Variants in COL23A1 observed in about 807,000 individuals in gnomAD.
COL23A1 encodes collagen type XXIII alpha 1 chain.
Under a neutral mutation model 99.3 loss-of-function variants are expected in COL23A1, and 97 were observed. That is an observed-to-expected ratio of 0.98 (90% CI 0.83 to 1.16). COL23A1 has a LOEUF of 1.16. Among genes scored for constraint, COL23A1 ranks in the 50% most tolerant of loss-of-function variants. The pLI, the probability that COL23A1 is intolerant of heterozygous loss-of-function variation, is 0.00. For synonymous variants in COL23A1, 320 were observed against 308.2 expected (o/e 1.04, Z -0.40); for missense variants, 762 against 757.4 (o/e 1.01, Z -0.07).
chr5:178,469,442 T>G (rs1434471993), intron 2 of COL23A1, among the ~76,000 whole-genome samples: 1 of 152,150 alleles, frequency 6.6e-6, no homozygotes, highest in Non-Finnish European at 1.5e-5. Flanking sequence ...CACCACATTC[T>G]ACGAAGCTCC....
At chr5:178,381,424 C>A (rs1763375694) in intron 2 of COL23A1, among the ~76,000 whole-genome samples, 1 of 152,226 alleles carries the variant, frequency 6.6e-6, no homozygotes, top group Non-Finnish European at 1.5e-5. Context: ...TCCATGCCAG[C>A]AGGACCAGCT....
At chr5:178,448,170 G>A (rs1427305104) in intron 2 of COL23A1, among the ~76,000 whole-genome samples, 2 of 141,506 alleles carry the variant, frequency 1.4e-5, no homozygotes, top group Admixed American at 7.1e-5. Flanking sequence ...AGTGCTAGTC[G>A]CAGTCCGTTT....
chr5:178,404,216 C>T (rs993424442), intron 2 of COL23A1, among the ~76,000 whole-genome samples: 1 of 152,198 alleles, frequency 6.6e-6, no homozygotes, highest in Non-Finnish European at 1.5e-5. Flanking sequence ...TGTGGGGTAC[C>T]ATGCCCATCA....
At chr5:178,346,207 T>C (rs1014403906) in intron 2 of COL23A1, among the ~76,000 whole-genome samples, 2 of 152,076 alleles carry the variant, frequency 1.3e-5, no homozygotes, top group Non-Finnish European at 2.9e-5. Flanking sequence ...TTTTTATTTA[T>C]TTATTTATTA....
At chr5:178,581,391 C>T (rs1349272331) in intron 1 of COL23A1, among the ~76,000 whole-genome samples, 2 of 152,010 alleles carry the variant, frequency 1.3e-5, no homozygotes, top group Non-Finnish European at 2.9e-5. Flanking sequence ...CATGGTGAAA[C>T]TCCAACTCTA....
chr5:178,349,990 G>C (rs2913804), intron 2 of COL23A1, among the ~76,000 whole-genome samples: 145,299 of 152,268 alleles, frequency 0.95, 69,365 homozygotes, highest in Non-Finnish European at 0.97. Flanking sequence ...AGGGTCTCGG[G>C]TCCTATCAAG....
intron 2 of COL23A1, among the ~76,000 whole-genome samples, chr5:178,487,763 A>T (rs774820278): frequency 1.3e-5 from 2 of 152,188 alleles, no homozygotes; most frequent in Admixed American, 1.3e-4. Flanking sequence ...CTCACTCATG[A>T]TAACTACATA....
At chr5:178,408,804 A>G (rs1467693693) in intron 2 of COL23A1, among the ~76,000 whole-genome samples, 1 of 151,868 alleles carries the variant, frequency 6.6e-6, no homozygotes, top group South Asian at 2.1e-4. Flanking sequence ...AAAATACAAA[A>G]ATTAGCTGGG....
chr5:178,472,313 C>T (rs1304979634), intron 2 of COL23A1, among the ~76,000 whole-genome samples: 1 of 152,140 alleles, frequency 6.6e-6, no homozygotes, highest in Non-Finnish European at 1.5e-5. Context: ...ACAGTCTATC[C>T]CAATGTGCAC....
At chr5:178,577,617 C>A (rs778920904) in intron 1 of COL23A1, among the ~76,000 whole-genome samples, 1 of 152,180 alleles carries the variant, frequency 6.6e-6, no homozygotes, top group African/African-American at 2.4e-5. Context: ...GCCTGCCCCC[C>A]GCTGCCTGGA....
chr5:178,585,436 C>G lies in COL23A1; in HGVS notation c.294+4468G>C, dbSNP rs952087904. Among the ~76,000 whole-genome samples, 8 of 148,506 alleles carry G rather than the reference C, an allele frequency of 5.4e-5. 1 individual carries two copies. Among genetic ancestry groups the G allele is most frequent in the African/African-American group, 2.0e-4 (8 of 39,400 alleles). ...TAACACTCCACAGCCCTGGTTGACACTGGGGTAACACTCCACGTCCCTGGT... is the reference window on the plus strand; with the variant it reads ...TAACACTCCACAGCCCTGGTTGACAGTGGGGTAACACTCCACGTCCCTGGT... On this transcript the variant is annotated intron_variant, in intron 1 of 28. Transcript: ENST00000390654.
intron 2 of COL23A1, among the ~76,000 whole-genome samples, chr5:178,447,766 C>T (rs965990565): frequency 2.0e-5 from 3 of 152,064 alleles, no homozygotes; most frequent in African/African-American, 4.8e-5. Flanking sequence ...TAAATTAGAC[C>T]GCAAGATGGA....
intron 2 of COL23A1, among the ~76,000 whole-genome samples, chr5:178,356,158 G>C (rs959816397): frequency 2.0e-5 from 3 of 152,326 alleles, no homozygotes; most frequent in African/African-American, 7.2e-5. Context: ...GTCCAGAATA[G>C]GCAAAGCCAC....
At chr5:178,267,252 T>G (rs1017289682) in intron 8 of COL23A1, 55 bp downstream of exon 8, 8 of 1,597,194 alleles carry the variant, frequency 5.0e-6, no homozygotes, top group Non-Finnish European at 5.2e-6. Context: ...TTATGCCTCA[T>G]TATTACACAA....
chr5:178,241,961 T>G, intron 27 of COL23A1, 81 bp downstream of exon 27: 2 of 1,087,956 alleles, frequency 1.8e-6, no homozygotes, highest in Non-Finnish European at 2.7e-6. Flanking sequence ...TGCAGCTGAG[T>G]TCCGAGGACA....
At chr5:178,497,206 T>A (rs1758243040) in intron 2 of COL23A1, among the ~76,000 whole-genome samples, 1 of 152,176 alleles carries the variant, frequency 6.6e-6, no homozygotes, top group Non-Finnish European at 1.5e-5. Flanking sequence ...AGCTGTGCAG[T>A]GCCAGAGCAG....
At chr5:178,317,052 A>C (rs1243476031) in intron 2 of COL23A1, among the ~76,000 whole-genome samples, 1 of 152,226 alleles carries the variant, frequency 6.6e-6, no homozygotes, top group Non-Finnish European at 1.5e-5. Context: ...TTGACACAGT[A>C]AATGCTAAAG....
intron 2 of COL23A1, among the ~76,000 whole-genome samples, chr5:178,358,775 A>ATGTG (rs750956174): frequency 9.2e-4 from 111 of 120,552 alleles, no homozygotes; most frequent in South Asian, 3.2e-3. Flanking sequence ...ATGTGTGTGT[A>ATGTG]TGTGTATGTG....
At chr5:178,558,486 C>T (rs954464377) in intron 2 of COL23A1, among the ~76,000 whole-genome samples, 1 of 152,122 alleles carries the variant, frequency 6.6e-6, no homozygotes, top group Admixed American at 6.6e-5. Context: ...CTCACACCAT[C>T]CAAGTCCAAT....
Sources: allele counts gnomAD v4.1 joint callset (sites outside exome capture counted in the v4.1 genomes callset), GRCh38; gene constraint gnomAD v4.1.1; transcripts MANE v1.5; gene names NCBI Gene and HGNC (gene_info 2026-07-23, HGNC 2026-07-21).